The following PSD3 variants were observed in gnomAD, a reference collection of about 807,000 sequenced individuals.
PSD3 encodes PH and SEC7 domain-containing protein 3.
A neutral mutation model predicts 105.5 loss-of-function variants in PSD3; 49 were observed. The observed-to-expected ratio is 0.46, with a 90% confidence interval of 0.37 to 0.59. PSD3 has a LOEUF of 0.59. Ranked by LOEUF, PSD3 falls within the 20% of genes least tolerant of loss-of-function variation. The pLI, the probability that PSD3 is intolerant of heterozygous loss-of-function variation, is 0.00. For synonymous variants in PSD3, 557 were observed against 457.8 expected (o/e 1.22, Z -2.77); for missense variants, 1,561 against 1,263.8 (o/e 1.24, Z -3.57).
chr8:19,073,351 G>T (rs1480689178), intron 1 of PSD3, among the ~76,000 whole-genome samples: 2 of 151,986 alleles, frequency 1.3e-5, no homozygotes, highest in African/African-American at 4.8e-5. Context: ...GGGAGTTTGA[G>T]ACCAGCCTGG....
intron 2 of PSD3, among the ~76,000 whole-genome samples, chr8:18,891,962 G>C (rs1010692411): frequency 9.2e-5 from 14 of 152,216 alleles, no homozygotes; most frequent in African/African-American, 3.4e-4. Context: ...GAAGCATATA[G>C]AGGAAGTTAA....
At chr8:18,956,772 A>G (rs1398407682) in intron 1 of PSD3, among the ~76,000 whole-genome samples, 5 of 152,128 alleles carry the variant, frequency 3.3e-5, no homozygotes, top group African/African-American at 1.2e-4. Flanking sequence ...ATGATTGTTA[A>G]TAACAGAAGG....
At chr8:18,980,004 A>G (rs1484850380) in intron 1 of PSD3, among the ~76,000 whole-genome samples, 1 of 152,206 alleles carries the variant, frequency 6.6e-6, no homozygotes, top group Non-Finnish European at 1.5e-5. Flanking sequence ...ATGTTTTGGC[A>G]ATTATACACT....
At chr8:18,892,368 C>A (rs888978219) in intron 2 of PSD3, among the ~76,000 whole-genome samples, 1 of 151,536 alleles carries the variant, frequency 6.6e-6, no homozygotes, top group Non-Finnish European at 1.5e-5. Context: ...GGACTACAGG[C>A]GCCCGCCACC....
chr8:18,801,866 T>A (rs1206115990), intron 6 of PSD3, among the ~76,000 whole-genome samples: 1 of 151,800 alleles, frequency 6.6e-6, no homozygotes, highest in Non-Finnish European at 1.5e-5. Flanking sequence ...GATGACAGGG[T>A]GATAACAGAG....
chr8:18,594,242 T>TTATATAATATATAATATATATTATTA (rs1803873656), intron 12 of PSD3, among the ~76,000 whole-genome samples: 2 of 7,162 alleles, frequency 2.8e-4, no homozygotes, highest in African/African-American at 8.5e-4. Flanking sequence ...ATATATATTA[T>TTATATAATATATAATATATATTATTA]TATATATATT....
intron 9 of PSD3, among the ~76,000 whole-genome samples, chr8:18,744,491 C>T (rs1021880082): frequency 1.3e-4 from 20 of 152,162 alleles, no homozygotes; most frequent in Non-Finnish European, 5.9e-5. Context: ...CTTCACTGAT[C>T]GAGATTTGTA....
In PSD3 at chr8:18,531,805, C is replaced by T. The variant is rs868585225; in HGVS notation, c.*3938G>A. 5 of 152,202 alleles carry T rather than the reference C, an allele frequency of 3.3e-5. No homozygotes were observed. The highest frequency in any genetic ancestry group is 7.3e-5 in the Non-Finnish European group (5 of 68,040). 9.4% of individuals were successfully genotyped at this position (152,202 alleles called of 1,614,324 possible). ...CACTTTGGTTCTTTGTTTTACAGTG[C>T]TAATTTTACAATTGGAAAAAATTCT... On this transcript the variant is annotated 3_prime_UTR_variant, in exon 16 of 16. Transcript: ENST00000327040.
chr8:18,753,354 C>CAAA (rs558680452), intron 9 of PSD3, among the ~76,000 whole-genome samples: 211 of 140,252 alleles, frequency 1.5e-3, no homozygotes, highest in African/African-American at 5.4e-3. Context: ...ACTCCAACTC[C>CAAA]AAAAAAAAAA....
intron 1 of PSD3, among the ~76,000 whole-genome samples, chr8:18,997,171 C>A (rs541711621): frequency 3.3e-5 from 5 of 151,914 alleles, no homozygotes; most frequent in Admixed American, 3.3e-4. Context: ...AAATGTTCAC[C>A]TCTAACCCAG....
At chr8:18,913,001 C>A (rs1820336667) in intron 2 of PSD3, among the ~76,000 whole-genome samples, 1 of 151,048 alleles carries the variant, frequency 6.6e-6, no homozygotes, top group African/African-American at 2.4e-5. Context: ...CACCATCTAC[C>A]CTGAGTAATT....
intron 9 of PSD3, chr8:18,763,157 T>G: frequency 2.4e-6 from 1 of 416,718 alleles, no homozygotes; most frequent in Admixed American, 2.7e-5. Context: ...ATGTTACTTT[T>G]GAACCAAATT....
At chr8:18,795,859 A>C (rs79681521) in intron 8 of PSD3, among the ~76,000 whole-genome samples, 3,697 of 152,260 alleles carry the variant, frequency 0.024, 167 homozygotes, top group East Asian at 0.14. Context: ...AAGACTTTCA[A>C]CTCTTACCTT....
At chr8:18,774,663 T>C (rs1227633578) in intron 8 of PSD3, 4 of 367,250 alleles carry the variant, frequency 1.1e-5, no homozygotes, top group African/African-American at 6.4e-5. Context: ...ACAAGTATTC[T>C]TGGGCCACAG....
intron 1 of PSD3, among the ~76,000 whole-genome samples, chr8:19,022,304 G>A (rs1827388391): frequency 6.6e-6 from 1 of 152,180 alleles, no homozygotes; most frequent in African/African-American, 2.4e-5. Context: ...ACCATATTAA[G>A]TGGGGTCCTC....
In PSD3 at chr8:18,768,116, C is replaced by CAAAAA. The variant is rs774203727; in HGVS notation, c.2083-2583_2083-2579dup. ...TAGAATCCTGTCTCTACTGAAAATA[C>CAAAAA]AAAAAAAAAAAAAAAAAAAAATAGC... is the stretch of plus-strand genomic sequence containing the variant. On this transcript the variant is annotated intron_variant, in intron 8 of 15. Transcript: ENST00000327040. Among the ~76,000 whole-genome samples the CAAAAA allele has an allele frequency of 2.3e-3, 227 of 97,314 alleles. 5 individuals are homozygous for CAAAAA. Among genetic ancestry groups the CAAAAA allele is most frequent in the Middle Eastern group, 7.9e-3 (1 of 126 alleles). The allele number at this position is 97,314 out of a possible 152,430, so 63.8% of individuals were successfully genotyped here. A position where few individuals can be genotyped will look rare whatever the true frequency, so the allele number is the denominator to read the frequency against.
chr8:18,631,892 C>A (rs563078192), intron 11 of PSD3, among the ~76,000 whole-genome samples: 1 of 152,090 alleles, frequency 6.6e-6, no homozygotes, highest in African/African-American at 2.4e-5. Context: ...AAAGATAATT[C>A]TGAGCAAACA....
intron 14 of PSD3, among the ~76,000 whole-genome samples, chr8:18,564,948 A>T (rs762465474): frequency 3.9e-5 from 6 of 152,212 alleles, no homozygotes; most frequent in Non-Finnish European, 8.8e-5. Flanking sequence ...AACTTTTATA[A>T]GACAATGGTT....
intron 11 of PSD3, among the ~76,000 whole-genome samples, chr8:18,627,585 G>C (rs1434280296): frequency 6.6e-6 from 1 of 151,902 alleles, no homozygotes; most frequent in Non-Finnish European, 1.5e-5. Context: ...CCTTATTAAT[G>C]GAAATATTTA....
Sources: allele counts gnomAD v4.1 joint callset (sites outside exome capture counted in the v4.1 genomes callset), GRCh38; gene constraint gnomAD v4.1.1; transcripts MANE v1.5; gene names NCBI Gene and HGNC (gene_info 2026-07-23, HGNC 2026-07-21).